Variants in C17orf75 observed in about 807,000 individuals in gnomAD.
C17orf75 encodes the protein protein Njmu-R1.
A neutral mutation model predicts 49.6 loss-of-function variants in C17orf75; 32 were observed. The ratio of observed to expected loss-of-function variants is 0.65; its 90% CI spans 0.49 to 0.87. The LOEUF (loss-of-function observed/expected upper bound fraction) is 0.87. Among genes scored for constraint, C17orf75 ranks in the 40% least tolerant of loss-of-function variants. The pLI is 0.00. For synonymous variants in C17orf75, 158 were observed against 159.5 expected, an observed-to-expected ratio of 0.99 and a Z score of 0.07; for missense variants, 428 against 473.9, an observed-to-expected ratio of 0.90 and a Z score of 0.90.
chr17:32,332,683 T>C (rs1401796230), intron 9 of C17orf75, among the ~76,000 whole-genome samples: 1 of 152,156 alleles, frequency 6.6e-6, no homozygotes, highest in African/African-American at 2.4e-5. Flanking sequence ...GGAAGACTGC[T>C]TGAACCCAGG....
In C17orf75 at chr17:32,330,569, G is replaced by A. The variant is rs2041265243; in HGVS notation, c.*1194C>T. On this transcript the variant is annotated 3_prime_UTR_variant, in exon 10 of 10. Transcript: ENST00000577809. ...CTTCCATGGGAATTGTAAATGGCTA[G>A]CTGAGGGCACTTTCAATTGATTCAG... 1 of 152,226 alleles carries A rather than the reference G, an allele frequency of 6.6e-6. No individual in the cohort carries two copies. Among genetic ancestry groups the A allele is most frequent in the Admixed American group, 6.5e-5 (1 of 15,284 alleles). The allele number at this position is 152,226 out of a possible 1,614,324, so 9.4% of individuals were successfully genotyped here.
intron 9 of C17orf75, among the ~76,000 whole-genome samples, chr17:32,332,424 G>C (rs987853733): frequency 1.3e-5 from 2 of 152,170 alleles, no homozygotes; most frequent in Non-Finnish European, 2.9e-5. Flanking sequence ...TTACAGGCGT[G>C]AGCCACCACG....
At chr17:32,335,521 T>C (rs2041316395) in intron 5 of C17orf75, 79 bp from the exon 6 acceptor site, 1 of 1,538,662 alleles carries the variant, frequency 6.5e-7, no homozygotes, top group South Asian at 1.2e-5. Flanking sequence ...ATCATATCCT[T>C]GATGGTGAAA....
At chr17:32,346,195 G>A (rs140331608), upstream of C17orf75, among the ~76,000 whole-genome samples, 698 of 152,154 alleles carry the variant, frequency 4.6e-3, 5 homozygotes, top group African/African-American at 0.015. Flanking sequence ...TAAGGCAGGA[G>A]GATCACTTGA....
In C17orf75 at chr17:32,329,368, GACTT is replaced by G. The variant is rs1309175811; in HGVS notation, c.*2391_*2394del. 6.6e-6 allele frequency: 1 copy of G among 151,830 alleles called. No homozygotes were observed. Among genetic ancestry groups the G allele is most frequent in the East Asian group, 1.9e-4 (1 of 5,166 alleles). The allele number at this position is 151,830 out of a possible 1,614,324, so 9.4% of individuals were successfully genotyped here. A position where few individuals can be genotyped will look rare whatever the true frequency, so the allele number is the denominator to read the frequency against. ...GGCATGAGCCACCACACCCAGCCCA[GACTT>G]ACTTTTTTTAAAATAAGACTACCAG... On this transcript the variant is annotated 3_prime_UTR_variant, in exon 10 of 10. Transcript: ENST00000577809.
chr17:32,348,398 C>A (rs1224877564), intron 1 of C17orf75, among the ~76,000 whole-genome samples: 2 of 152,098 alleles, frequency 1.3e-5, no homozygotes, highest in African/African-American at 4.8e-5. Context: ...TATTCCAGCT[C>A]TCTTAAGTCT....
intron 7 of C17orf75, 56 bp downstream of exon 7, chr17:32,334,719 A>G (rs955009762): frequency 1.3e-6 from 2 of 1,567,700 alleles, no homozygotes; most frequent in Non-Finnish European, 1.7e-6. Flanking sequence ...GTTTACAAAC[A>G]CAGATGTCAA....
chr17:32,349,544 G>A (rs1428170677), intron 1 of C17orf75, among the ~76,000 whole-genome samples: 1 of 152,032 alleles, frequency 6.6e-6, no homozygotes, highest in East Asian at 1.9e-4. Context: ...TCGCGCCGCT[G>A]CACTCCAGCC....
Position 32,335,523 on chromosome 17 carries a change from A to T in C17orf75, c.550-81T>A, listed in dbSNP as rs2041316429. ...TCATATTTTCTTCATCATATCCTTGATGGTGAAAAAGACCAGGATAGACAC... is the reference window on the plus strand; with the variant it reads ...TCATATTTTCTTCATCATATCCTTGTTGGTGAAAAAGACCAGGATAGACAC... On this transcript the variant is annotated intron_variant, in intron 5 of 9. Transcript: ENST00000577809. 5 of 1,534,310 alleles carry T rather than the reference A, an allele frequency of 3.3e-6. No homozygotes were observed. In the South Asian group the frequency reaches 5.0e-5, roughly 15 times the overall value.
At chr17:32,348,175 GCCTGGCTAAT>G (rs2041440787) in intron 1 of C17orf75, among the ~76,000 whole-genome samples, 1 of 151,732 alleles carries the variant, frequency 6.6e-6, no homozygotes, top group African/African-American at 2.4e-5. Context: ...GCCCCACCAC[GCCTGGCTAAT>G]TTTTTTTTGG....
intron 3 of C17orf75, among the ~76,000 whole-genome samples, chr17:32,339,417 A>C (rs538556747): frequency 4.0e-5 from 6 of 151,590 alleles, no homozygotes; most frequent in Non-Finnish European, 7.4e-5. Flanking sequence ...CTAAAAAAAA[A>C]AAAAAAAAAA....
At chr17:32,333,641 A>G (rs758220067) in intron 8 of C17orf75, 121 bp from the exon 9 acceptor site, 60 of 815,382 alleles carry the variant, frequency 7.4e-5, no homozygotes, top group Non-Finnish European at 1.0e-4. Flanking sequence ...AGTACTAACT[A>G]TATCGTTAGT....
At chr17:32,343,079 AAGG>A (rs1208143125), upstream of C17orf75, among the ~76,000 whole-genome samples, 5 of 152,182 alleles carry the variant, frequency 3.3e-5, no homozygotes, top group Admixed American at 3.3e-4. Flanking sequence ...GCGCCACGTG[AAGG>A]AGGAGGCAGA....
upstream of C17orf75, chr17:32,342,324 G>T: frequency 2.0e-6 from 2 of 984,726 alleles, no homozygotes; most frequent in Non-Finnish European, 2.7e-6. Context: ...GCTGACAGGC[G>T]TACTGAGTTC....
intron 7 of C17orf75, 63 bp from the exon 8 acceptor site, chr17:32,334,668 T>C (rs868423148): frequency 6.3e-7 from 1 of 1,590,258 alleles, no homozygotes; most frequent in African/African-American, 1.3e-5. Context: ...GAAAACAAAT[T>C]TATTTTGCAC....
chr17:32,336,045 C>T (rs932550529), intron 5 of C17orf75, among the ~76,000 whole-genome samples: 8 of 152,160 alleles, frequency 5.3e-5, no homozygotes, highest in African/African-American at 1.2e-4. Flanking sequence ...AGCTCTAGTC[C>T]GGGAGAACAA....
At chr17:32,342,636 A>G (rs1483258469), upstream of C17orf75, among the ~76,000 whole-genome samples, 1 of 152,232 alleles carries the variant, frequency 6.6e-6, no homozygotes, top group African/African-American at 2.4e-5. Flanking sequence ...TAAAAAAATG[A>G]CTACGTAAAA....
chr17:32,341,898 G>T (rs901297301), intron 1 of C17orf75, 102 bp downstream of exon 1: 1 of 1,104,490 alleles, frequency 9.1e-7, no homozygotes, highest in Non-Finnish European at 1.1e-6. Context: ...TTTTAGGAGC[G>T]GCCGGGCCGC....
chr17:32,337,570 A>G (rs1345054025), intron 5 of C17orf75, among the ~76,000 whole-genome samples: 1 of 152,002 alleles, frequency 6.6e-6, no homozygotes, highest in Admixed American at 6.6e-5. Context: ...CAATCACAGT[A>G]TATTAATCAT....
Sources: allele counts gnomAD v4.1 joint callset (sites outside exome capture counted in the v4.1 genomes callset), GRCh38; gene constraint gnomAD v4.1.1; transcripts MANE v1.5; gene names NCBI Gene and HGNC (gene_info 2026-07-23, HGNC 2026-07-21).